The following CDC14B variants were observed in gnomAD, a reference collection of about 807,000 sequenced individuals.
CDC14B encodes dual specificity protein phosphatase CDC14B.
In CDC14B, 22 loss-of-function variants were observed where a neutral mutation model predicts 64.2. The observed-to-expected ratio is 0.34, with a 90% confidence interval of 0.24 to 0.49. The LOEUF (loss-of-function observed/expected upper bound fraction) is 0.49, where lower values mean the gene tolerates loss of function less well. Ranked by LOEUF, CDC14B falls within the 20% of genes least tolerant of loss-of-function variation. The pLI is 0.99. For synonymous variants in CDC14B, 191 were observed against 215.8 expected (o/e 0.89, Z 1.01); for missense variants, 498 against 629.9 (o/e 0.79, Z 2.24).
In CDC14B at chr9:96,501,578, G is replaced by A. The variant is rs1285561277; in HGVS notation, c.*2175C>T. On this transcript the variant is annotated 3_prime_UTR_variant, in exon 14 of 14. Transcript: ENST00000375241. ...GCCCTTGCTATGCACACCATCCCAA[G>A]TCATTTGGTTATTACAAGGAATGCC... The A allele has an allele frequency of 6.6e-6, 1 of 152,488 alleles. No homozygotes were observed. The highest frequency in any genetic ancestry group is 1.5e-5 in the Non-Finnish European group (1 of 68,040). 9.4% of individuals were successfully genotyped at this position (152,488 alleles called of 1,614,324 possible). A position where few individuals can be genotyped will look rare whatever the true frequency, so the allele number is the denominator to read the frequency against.
chr9:96,585,328 T>C (rs773036646), intron 1 of CDC14B, among the ~76,000 whole-genome samples: 89 of 151,724 alleles, frequency 5.9e-4, no homozygotes, highest in Non-Finnish European at 1.1e-3. Context: ...CCCACATGCA[T>C]TAGGTATTTG....
chr9:96,537,191 G>A lies in CDC14B; in HGVS notation c.627+1887C>T, dbSNP rs16911137. Among the ~76,000 whole-genome samples the A allele has an allele frequency of 6.6e-5, 10 of 152,282 alleles. No homozygotes were observed. In the South Asian group the frequency reaches 2.1e-3, roughly 32 times the overall value. ...CTGTAGTCCCCGTTACTGGGAGGCT[G>A]AGGTGGGAGGATCACTTGAACCTGG... On this transcript the variant is annotated intron_variant, in intron 7 of 13. Coordinates refer to ENST00000375241, the MANE Select transcript of CDC14B (RefSeq NM_033331.4).
At chr9:96,534,356 A>T (rs1191894270) in intron 8 of CDC14B, 99 bp downstream of exon 8, 4 of 886,266 alleles carry the variant, frequency 4.5e-6, no homozygotes, top group Non-Finnish European at 7.2e-6. Context: ...CTTAAATAAT[A>T]ATTAACACTT....
chr9:96,550,308 CA>C (rs1841615207), intron 5 of CDC14B, among the ~76,000 whole-genome samples: 1 of 152,216 alleles, frequency 6.6e-6, no homozygotes, highest in Non-Finnish European at 1.5e-5. Context: ...CTAATTTGCT[CA>C]ATCACAGATT....
chr9:96,603,094 G>GA (rs1846613644), intron 1 of CDC14B, among the ~76,000 whole-genome samples: 2 of 149,860 alleles, frequency 1.3e-5, no homozygotes, highest in South Asian at 2.1e-4. Flanking sequence ...TAAGAGCAGT[G>GA]AAAAAAAACA....
intron 1 of CDC14B, among the ~76,000 whole-genome samples, chr9:96,575,379 A>T (rs181866715): frequency 2.0e-4 from 31 of 152,320 alleles, no homozygotes; most frequent in Admixed American, 8.5e-4. Context: ...GGTAGAAAAA[A>T]GTAATCTTAT....
Position 96,515,533 on chromosome 9 carries a change from T to G in CDC14B, c.1344-5744A>C. On this transcript the variant is annotated intron_variant, in intron 12 of 13. Transcript: ENST00000375241. The surrounding 1 kb of genome is among the most constrained non-coding windows in gnomAD (Gnocchi z 4.3). ...TTGAAAAGATTCAGAAAAAGAACCT[T>G]TGAAAATAGGCAAACCAACAAAGCT... 1 of 1,084,690 alleles carries G rather than the reference T, an allele frequency of 9.2e-7. No homozygotes were observed. The highest frequency in any genetic ancestry group is 3.1e-4 in the Middle Eastern group (1 of 3,190). 67.2% of individuals were successfully genotyped at this position (1,084,690 alleles called of 1,614,324 possible). A position where few individuals can be genotyped will look rare whatever the true frequency, so the allele number is the denominator to read the frequency against.
downstream of CDC14B, among the ~76,000 whole-genome samples, chr9:96,496,755 G>A (rs1207267803): frequency 1.3e-5 from 2 of 152,224 alleles, no homozygotes; most frequent in Non-Finnish European, 2.9e-5. Flanking sequence ...AGCCCGTCCC[G>A]CGCCCTCCCT....
chr9:96,576,105 G>A (rs180868123), intron 1 of CDC14B, among the ~76,000 whole-genome samples: 32 of 148,300 alleles, frequency 2.2e-4, no homozygotes, highest in Admixed American at 1.6e-3. Flanking sequence ...GTGAAACCTC[G>A]TCTAAATACT....
chr9:96,529,350 T>C (rs1838067112), intron 9 of CDC14B, among the ~76,000 whole-genome samples: 1 of 152,100 alleles, frequency 6.6e-6, no homozygotes, highest in South Asian at 2.1e-4. Flanking sequence ...CCCCATTGAG[T>C]GGTTTCTGTA....
intron 1 of CDC14B, among the ~76,000 whole-genome samples, chr9:96,601,794 G>GA (rs35472518): frequency 0.031 from 2,099 of 68,092 alleles, 64 homozygotes; most frequent in African/African-American, 0.076. Flanking sequence ...ACGCTGTCTC[G>GA]AAAAAAAAAA....
chr9:96,601,991 G>A (rs561393386), intron 1 of CDC14B, among the ~76,000 whole-genome samples: 12 of 151,476 alleles, frequency 7.9e-5, no homozygotes, highest in African/African-American at 2.9e-4. Context: ...CCCAGGAGGC[G>A]GAGCTTTCAG....
chr9:96,522,541 G>C lies in CDC14B; in HGVS notation c.1308C>G (p.Ser436Arg), dbSNP rs758748788. The C allele has an allele frequency of 6.2e-7, 1 of 1,613,450 alleles. No individual in the cohort carries two copies. Among genetic ancestry groups the C allele is most frequent in the Non-Finnish European group, 8.5e-7 (1 of 1,179,384 alleles). The change falls in exon 12 of 14, where the codon AGC becomes AGG. Residue 436 changes from serine to arginine, a missense_variant. Ser to Arg is a moderately radical substitution (Grantham distance 110). Coordinates refer to ENST00000375241, the MANE Select transcript of CDC14B (RefSeq NM_033331.4). ...TQGDRLRALK[S>R]RRQSKTNAIP... ...TAGCGTTTGTTTTGGATTGTCTTCTGCTTTTCAAGGCCCGAAGTCTATCAC... is the reference window on the plus strand; with the variant it reads ...TAGCGTTTGTTTTGGATTGTCTTCTCCTTTTCAAGGCCCGAAGTCTATCAC...
intron 1 of CDC14B, among the ~76,000 whole-genome samples, chr9:96,604,434 G>A (rs535083349): frequency 3.3e-5 from 5 of 150,704 alleles, no homozygotes; most frequent in African/African-American, 9.7e-5. Context: ...AGGCTGGAGT[G>A]CAATGGTGCC....
At chr9:96,573,777 C>A (rs1844622293) in intron 1 of CDC14B, among the ~76,000 whole-genome samples, 1 of 152,070 alleles carries the variant, frequency 6.6e-6, no homozygotes, top group Non-Finnish European at 1.5e-5. Context: ...TAATAAATTA[C>A]ATGGAATATG....
At chr9:96,512,266 A>G (rs2131355958) in intron 12 of CDC14B, among the ~76,000 whole-genome samples, 1 of 150,314 alleles carries the variant, frequency 6.7e-6, no homozygotes, top group South Asian at 2.1e-4. Context: ...AAAGACAACT[A>G]TTACCCTGGC....
In CDC14B at chr9:96,578,593, C is replaced by A. The variant is rs1202463249; in HGVS notation, c.161-13110G>T. Among the ~76,000 whole-genome samples the A allele has an allele frequency of 2.0e-5, 3 of 152,132 alleles. No individual in the cohort carries two copies. The East Asian group carries it at 5.8e-4, about 29-fold the overall frequency. ...GAAAACAAGCACAAGCAGACATACC[C>A]AATTTGAGGCACATTCTACAAAATA... On this transcript the variant is annotated intron_variant, in intron 1 of 13. Transcript: ENST00000375241.
chr9:96,559,567 T>C (rs955443746), intron 4 of CDC14B, among the ~76,000 whole-genome samples: 4 of 152,226 alleles, frequency 2.6e-5, no homozygotes, highest in Admixed American at 1.3e-4. Flanking sequence ...CAGGTGTCCA[T>C]ATTATATCTT....
downstream of CDC14B, among the ~76,000 whole-genome samples, chr9:96,499,616 T>A (rs1833395469): frequency 1.3e-5 from 2 of 152,228 alleles, no homozygotes; most frequent in South Asian, 4.1e-4. Context: ...AGGAGCCCCC[T>A]GTCACTCACC....
Sources: allele counts gnomAD v4.1 joint callset (sites outside exome capture counted in the v4.1 genomes callset), GRCh38; gene constraint gnomAD v4.1.1; non-coding constraint Gnocchi (gnomAD v3.1); transcripts MANE v1.5; gene names NCBI Gene and HGNC (gene_info 2026-07-23, HGNC 2026-07-21).